The following SEPTIN7 variants were observed in gnomAD, a reference collection of about 807,000 sequenced individuals.
The protein encoded by SEPTIN7 is septin-7.
In SEPTIN7, 10 loss-of-function variants were observed where a neutral mutation model predicts 63.3. That is an observed-to-expected ratio of 0.16 (90% CI 0.10 to 0.27). The LOEUF (loss-of-function observed/expected upper bound fraction) is 0.27. Ranked by LOEUF, SEPTIN7 falls within the 10% of genes least tolerant of loss-of-function variation. The pLI is 1.00. For synonymous variants in SEPTIN7, 131 were observed against 165.3 expected (o/e 0.79, Z 1.59); for missense variants, 310 against 521.0 (o/e 0.59, Z 3.94).
At chr7:35,822,849 A>G (rs1783295447) in intron 1 of SEPTIN7, among the ~76,000 whole-genome samples, 1 of 152,200 alleles carries the variant, frequency 6.6e-6, no homozygotes. Context: ...TAAAATTTTC[A>G]GCTACCACAC....
intron 1 of SEPTIN7, among the ~76,000 whole-genome samples, chr7:35,820,579 A>T (rs1474318789): frequency 2.6e-5 from 4 of 152,154 alleles, no homozygotes; most frequent in Non-Finnish European, 5.9e-5. Flanking sequence ...TTAAAAAATT[A>T]TCTTTTTTGA....
intron 3 of SEPTIN7, among the ~76,000 whole-genome samples, chr7:35,838,988 A>G (rs190145320): frequency 6.6e-6 from 1 of 152,288 alleles, no homozygotes; most frequent in Admixed American, 6.5e-5. Context: ...TAAATACTAC[A>G]TTCTTGGAGT....
At chr7:35,816,573 A>G (rs919205899) in intron 1 of SEPTIN7, among the ~76,000 whole-genome samples, 13 of 152,300 alleles carry the variant, frequency 8.5e-5, no homozygotes, top group African/African-American at 2.6e-4. Context: ...ATAGTTTTCA[A>G]TTCCCTTGGA....
intron 1 of SEPTIN7, among the ~76,000 whole-genome samples, chr7:35,807,409 T>C (rs1404528248): frequency 7.7e-6 from 1 of 130,226 alleles, no homozygotes; most frequent in African/African-American, 2.9e-5. Context: ...TCGCCCAGGC[T>C]GGAGTGCAGT....
chr7:35,828,566 A>G (rs1314663887), intron 1 of SEPTIN7, among the ~76,000 whole-genome samples: 1 of 152,124 alleles, frequency 6.6e-6, no homozygotes, highest in Non-Finnish European at 1.5e-5. Flanking sequence ...TTTAGTAGAG[A>G]TGGGGTTTCA....
At chr7:35,873,404 G>A (rs560664802) in intron 5 of SEPTIN7, among the ~76,000 whole-genome samples, 1 of 152,044 alleles carries the variant, frequency 6.6e-6, no homozygotes, top group East Asian at 1.9e-4. Context: ...CAAATAATAT[G>A]CTAATATTTA....
intron 7 of SEPTIN7, among the ~76,000 whole-genome samples, chr7:35,880,701 G>A (rs115675668): frequency 0.015 from 2,240 of 151,820 alleles, 50 homozygotes; most frequent in African/African-American, 0.05. Flanking sequence ...TTTGTTTTCA[G>A]TGCACTTTAC....
chr7:35,802,290 C>G (rs770755838), intron 1 of SEPTIN7: 1 of 353,294 alleles, frequency 2.8e-6, no homozygotes, highest in Non-Finnish European at 5.8e-6. Flanking sequence ...AATAAGCAAC[C>G]GAGATTTTTC....
chr7:35,851,566 A>G (rs1167351767), intron 3 of SEPTIN7, among the ~76,000 whole-genome samples: 1 of 152,082 alleles, frequency 6.6e-6, no homozygotes, highest in African/African-American at 2.4e-5. Flanking sequence ...TCTGAACTCT[A>G]TTCTTAAATG....
chr7:35,859,121 T>A (rs1030666369), intron 3 of SEPTIN7, among the ~76,000 whole-genome samples: 1 of 152,152 alleles, frequency 6.6e-6, no homozygotes, highest in Non-Finnish European at 1.5e-5. Context: ...AAATCTTCAT[T>A]TTTATATAAG....
chr7:35,825,067 T>C (rs1295632665), intron 1 of SEPTIN7, among the ~76,000 whole-genome samples: 1 of 152,176 alleles, frequency 6.6e-6, no homozygotes. Context: ...TTCAAGCCTT[T>C]ATTTTTCCCC....
chr7:35,836,802 A>G (rs544041443), intron 3 of SEPTIN7, among the ~76,000 whole-genome samples: 1 of 152,314 alleles, frequency 6.6e-6, no homozygotes, highest in Admixed American at 6.5e-5. Context: ...TATTGGCTCA[A>G]AATTTTGTAT....
intron 3 of SEPTIN7, among the ~76,000 whole-genome samples, chr7:35,840,227 C>A (rs1784346221): frequency 1.0e-5 from 1 of 95,474 alleles, no homozygotes; most frequent in Non-Finnish European, 2.1e-5. Context: ...CCCCCTTCCC[C>A]CCTTTCCCCT....
intron 3 of SEPTIN7, among the ~76,000 whole-genome samples, chr7:35,861,046 G>A (rs1385449745): frequency 1.3e-5 from 2 of 151,802 alleles, no homozygotes; most frequent in Admixed American, 6.6e-5. Context: ...GATAATTTCT[G>A]TTGTCTTCAG....
In SEPTIN7 at chr7:35,801,335, G is replaced by A. The variant is rs1787950443; in HGVS notation, c.61+65G>A. ...GCTCCGAATGCCGGGAAGCTCTGCG[G>A]CCGCTGGACCGAGCTAGGGAACGCC... On this transcript the variant is annotated intron_variant, in intron 1 of 13. Transcript: ENST00000350320. 3.3e-6 allele frequency: 5 copies of A among 1,507,626 alleles called. No homozygotes were observed. In the African/African-American group the frequency reaches 4.3e-5, roughly 13 times the overall value. 93.4% of individuals were successfully genotyped at this position (1,507,626 alleles called of 1,614,324 possible).
chr7:35,817,449 C>A (rs2115762246), intron 1 of SEPTIN7, among the ~76,000 whole-genome samples: 1 of 152,160 alleles, frequency 6.6e-6, no homozygotes, highest in East Asian at 1.9e-4. Flanking sequence ...ACTAACTTTG[C>A]AGTAAGTTTT....
intron 1 of SEPTIN7, among the ~76,000 whole-genome samples, chr7:35,808,821 G>C (rs572688455): frequency 2.6e-5 from 4 of 152,248 alleles, no homozygotes; most frequent in South Asian, 2.1e-4. Context: ...GATATATTTT[G>C]ATTTGTTTAA....
intron 3 of SEPTIN7, among the ~76,000 whole-genome samples, chr7:35,838,236 A>ACTTCCTTCCTTC (rs1167892518): frequency 5.1e-5 from 3 of 59,078 alleles, no homozygotes; most frequent in African/African-American, 1.4e-4. Flanking sequence ...TATTATCCAA[A>ACTTCCTTCCTTC]CTTCCTTCCT....
At chr7:35,801,503 C>T (rs2115595506) in intron 1 of SEPTIN7, among the ~76,000 whole-genome samples, 1 of 151,480 alleles carries the variant, frequency 6.6e-6, no homozygotes, top group East Asian at 2.0e-4. Flanking sequence ...GAGGCGGCGG[C>T]ATTTCCTGTG....
Sources: gnomAD v4.1 joint callset for allele counts (sites outside exome capture counted in the v4.1 genomes callset) on GRCh38, gnomAD v4.1.1 for gene constraint, MANE v1.5 for transcripts, NCBI Gene and HGNC (gene_info 2026-07-23, HGNC 2026-07-21) for gene names.